SETBP1: variants seen among roughly 807,000 people sequenced by gnomAD.
SETBP1 encodes SET binding protein 1, also known as SET-binding protein.
SETBP1 carries 9 observed loss-of-function variants against 101.0 expected under a neutral mutation model. The observed-to-expected ratio is 0.09, with a 90% CI of 0.05 to 0.16. SETBP1 has a LOEUF of 0.16. SETBP1 is among the 10% of genes least tolerant of loss of function. The pLI, the probability that SETBP1 is intolerant of heterozygous loss-of-function variation, is 1.00. For missense variants in SETBP1, 1,858 were observed against 2,033.8 expected, an observed-to-expected ratio of 0.91 and a Z score of 1.66; for synonymous variants, 818 against 788.5, an observed-to-expected ratio of 1.04 and a Z score of -0.63.
At chr18:44,851,090 T>C (rs545555247) in intron 2 of SETBP1, among the ~76,000 whole-genome samples, 2 of 152,216 alleles carry the variant, frequency 1.3e-5, no homozygotes, top group Non-Finnish European at 2.9e-5. Flanking sequence ...GTCTGGCTGA[T>C]GAAGCGGGGC....
intron 2 of SETBP1, among the ~76,000 whole-genome samples, chr18:44,867,226 G>A (rs900316111): frequency 6.6e-6 from 1 of 152,232 alleles, no homozygotes; most frequent in South Asian, 2.1e-4. Flanking sequence ...AGCCACCCAG[G>A]TGATCCTCAC....
intron 4 of SETBP1, among the ~76,000 whole-genome samples, chr18:45,005,826 T>G (rs1599437902): frequency 6.6e-6 from 1 of 151,600 alleles, no homozygotes; most frequent in East Asian, 1.9e-4. Context: ...TTTTGTATTT[T>G]TAGTAGAGAC....
intron 4 of SETBP1, among the ~76,000 whole-genome samples, chr18:44,977,807 AC>A (rs2072023841): frequency 6.6e-6 from 1 of 152,110 alleles, no homozygotes; most frequent in Admixed American, 6.5e-5. Context: ...AACACCTTTC[AC>A]TTTGCCCTCC....
At chr18:44,972,513 G>A (rs2071889059) in intron 4 of SETBP1, among the ~76,000 whole-genome samples, 1 of 152,284 alleles carries the variant, frequency 6.6e-6, no homozygotes, top group East Asian at 1.9e-4. Context: ...CATGAGCATG[G>A]AATGTTCTTC....
At chr18:44,863,522 G>A (rs2069061205) in intron 2 of SETBP1, among the ~76,000 whole-genome samples, 1 of 152,176 alleles carries the variant, frequency 6.6e-6, no homozygotes. Context: ...TTGAAAGGTT[G>A]TGGTGGGCCT....
chr18:44,705,173 G>T (rs1444064670), intron 2 of SETBP1, among the ~76,000 whole-genome samples: 1 of 152,154 alleles, frequency 6.6e-6, no homozygotes, highest in Non-Finnish European at 1.5e-5. Context: ...ATTTTTAAAA[G>T]GTTGGGAAAA....
intron 2 of SETBP1, among the ~76,000 whole-genome samples, chr18:44,703,348 G>GTTTTTTTTTT (rs531974601): frequency 1.2e-4 from 6 of 51,442 alleles, no homozygotes; most frequent in Admixed American, 2.7e-4. Context: ...TTACCATTAG[G>GTTTTTTTTTT]TTTTTTTTTT....
intron 3 of SETBP1, among the ~76,000 whole-genome samples, chr18:44,942,338 A>G (rs1388691442): frequency 6.6e-6 from 1 of 152,188 alleles, no homozygotes; most frequent in Non-Finnish European, 1.5e-5. Context: ...AATCTCTGCT[A>G]GGCTTTGTGA....
chr18:44,982,349 C>T (rs1270098645), intron 4 of SETBP1, among the ~76,000 whole-genome samples: 1 of 152,240 alleles, frequency 6.6e-6, no homozygotes, highest in African/African-American at 2.4e-5. Context: ...CTGGAGCAGT[C>T]GCCTCAGGGG....
At chr18:44,827,530 C>T (rs2072263248) in intron 2 of SETBP1, among the ~76,000 whole-genome samples, 2 of 152,200 alleles carry the variant, frequency 1.3e-5, no homozygotes, top group Admixed American at 6.5e-5. Flanking sequence ...TACATCTTCA[C>T]TATCAAATGT....
chr18:45,037,618 C>A (rs1190625811), intron 4 of SETBP1, among the ~76,000 whole-genome samples: 1 of 152,122 alleles, frequency 6.6e-6, no homozygotes, highest in African/African-American at 2.4e-5. Context: ...TGGAAAATTG[C>A]AGAGCCTAGA....
chr18:44,891,050 T>A lies in SETBP1; in HGVS notation c.540+21767T>A, dbSNP rs2069757348. Among the ~76,000 whole-genome samples the A allele has an allele frequency of 2.0e-5, 3 of 152,160 alleles. No homozygotes were observed. In the South Asian group the frequency reaches 6.2e-4, roughly 32 times the overall value. ...TAATGGATTTACAGTTCCACGTGGC[T>A]GAGGAGGCCTCACAATTATGGCAGA... On this transcript the variant is annotated intron_variant, in intron 3 of 5. Transcript: ENST00000649279.
chr18:44,902,137 G>T (rs1479881294), intron 3 of SETBP1, among the ~76,000 whole-genome samples: 1 of 152,208 alleles, frequency 6.6e-6, no homozygotes, highest in East Asian at 1.9e-4. Flanking sequence ...GTTCGATGTG[G>T]CTAGTGGCTG....
intron 3 of SETBP1, among the ~76,000 whole-genome samples, chr18:44,887,884 C>G (rs1415346579): frequency 6.6e-6 from 1 of 152,108 alleles, no homozygotes; most frequent in Non-Finnish European, 1.5e-5. Context: ...CAAGGAGCAA[C>G]AGCAGGTTAT....
intron 3 of SETBP1, among the ~76,000 whole-genome samples, chr18:44,915,226 A>G (rs1238015756): frequency 6.6e-6 from 1 of 152,190 alleles, no homozygotes; most frequent in Non-Finnish European, 1.5e-5. Context: ...CCAGGACACC[A>G]GCTTTCCAAG....
intron 2 of SETBP1, among the ~76,000 whole-genome samples, chr18:44,851,829 A>G (rs975955321): frequency 6.6e-6 from 1 of 152,194 alleles, no homozygotes; most frequent in African/African-American, 2.4e-5. Flanking sequence ...AACCTGGGCC[A>G]TGGGCCTCTC....
chr18:44,751,702 A>C (rs1260300032), intron 2 of SETBP1, among the ~76,000 whole-genome samples: 1 of 152,226 alleles, frequency 6.6e-6, no homozygotes, highest in Admixed American at 6.5e-5. Context: ...TTTTCTTAGT[A>C]AATCCTTAAT....
chr18:44,824,972 C>T (rs2072202292), intron 2 of SETBP1, among the ~76,000 whole-genome samples: 1 of 152,242 alleles, frequency 6.6e-6, no homozygotes, highest in South Asian at 2.1e-4. Flanking sequence ...AGCTGCTTCC[C>T]ACCTCTGCTC....
rs1028223437 is a variant in SETBP1 at position 45,063,963 on chromosome 18, C to T, written c.*265C>T. The T allele has an allele frequency of 5.2e-6, 2 of 381,018 alleles. No individual in the cohort carries two copies. Among genetic ancestry groups the T allele is most frequent in the Non-Finnish European group, 9.7e-6 (2 of 206,952 alleles). 23.6% of individuals were successfully genotyped at this position (381,018 alleles called of 1,614,324 possible). A position where few individuals can be genotyped will look rare whatever the true frequency, so the allele number is the denominator to read the frequency against. On this transcript the variant is annotated 3_prime_UTR_variant, in exon 6 of 6. Coordinates refer to ENST00000649279, the MANE Select transcript of SETBP1 (RefSeq NM_015559.3). ...CGCTTCAGTACGGCTGGATCCTCCG[C>T]AGGCGAGCGGAAGGCCCCCAGGAGG...
Sources: gnomAD v4.1 joint callset for allele counts (sites outside exome capture counted in the v4.1 genomes callset) on GRCh38, gnomAD v4.1.1 for gene constraint, MANE v1.5 for transcripts, NCBI Gene and HGNC (gene_info 2026-07-23, HGNC 2026-07-21) for gene names.